Variants in MPDZ observed in about 807,000 individuals in gnomAD.
The protein encoded by MPDZ is multiple PDZ domain protein.
Under a neutral mutation model 239.1 loss-of-function variants are expected in MPDZ, and 234 were observed. That is an observed-to-expected ratio of 0.98 (90% CI 0.88 to 1.09). The LOEUF (loss-of-function observed/expected upper bound fraction) is 1.09, where lower values mean the gene tolerates loss of function less well. Ranked by LOEUF, MPDZ falls within the 50% of genes least tolerant of loss-of-function variation. The probability of loss-of-function intolerance (pLI) is 0.00; values close to 1 mark genes in which losing one functional copy is unlikely to be tolerated. For synonymous variants in MPDZ, 1,048 were observed against 881.3 expected, an observed-to-expected ratio of 1.19 and a Z score of -3.35; for missense variants, 3,175 against 2,510.0, an observed-to-expected ratio of 1.26 and a Z score of -5.66.
intron 17 of MPDZ, among the ~76,000 whole-genome samples, chr9:13,188,431 T>C (rs73406289): frequency 0.027 from 4,103 of 152,048 alleles, 104 homozygotes; most frequent in African/African-American, 0.074. Flanking sequence ...GGCAGGAGAA[T>C]CGCTTGAATC....
chr9:13,121,952 T>G lies in MPDZ; in HGVS notation c.5038-20A>C. ...ATTCACCTGTACAGAAATGGGACAC[T>G]GACTGTAAGGAACATGAGAAGTAAA... is the stretch of plus-strand genomic sequence containing the variant. On this transcript the variant is annotated intron_variant, in intron 37 of 46. Coordinates refer to ENST00000319217, the MANE Select transcript of MPDZ (RefSeq NM_001378778.1). The G allele has an allele frequency of 6.2e-7, 1 of 1,609,484 alleles. No individual in the cohort carries two copies. The highest frequency in any genetic ancestry group is 8.5e-7 in the Non-Finnish European group (1 of 1,176,710).
At position 13,111,998 on chromosome 9, in the gene MPDZ, C is replaced by A. The variant is rs183252821; in HGVS notation, c.5724+26G>T. 4 of 1,611,068 alleles carry A rather than the reference C, an allele frequency of 2.5e-6. No homozygotes were observed. In the African/African-American group the frequency reaches 4.0e-5, roughly 16 times the overall value. ...AACACTTCTGCACATTTTGCTAGGG[C>A]TTCTAGGGTTGATAGTACGACTCAC... On this transcript the variant is annotated intron_variant, in intron 43 of 46. Coordinates refer to ENST00000319217, the MANE Select transcript of MPDZ (RefSeq NM_001378778.1).
intron 23 of MPDZ, among the ~76,000 whole-genome samples, chr9:13,158,435 C>T (rs945431835): frequency 6.6e-6 from 1 of 152,054 alleles, no homozygotes; most frequent in Non-Finnish European, 1.5e-5. Context: ...AAAGAAAACC[C>T]ATTGAACAAG....
intron 11 of MPDZ, 32 bp from the exon 12 acceptor site, chr9:13,205,139 CT>C: frequency 1.7e-6 from 2 of 1,190,314 alleles, no homozygotes; most frequent in Non-Finnish European, 2.3e-6. Context: ...GTAATTTTAT[CT>C]TTAGTATAAT....
chr9:13,179,778 T>C (rs977437720), intron 19 of MPDZ, among the ~76,000 whole-genome samples: 1 of 152,162 alleles, frequency 6.6e-6, no homozygotes, highest in Non-Finnish European at 1.5e-5. Flanking sequence ...AAAAGTTCTA[T>C]TTCTTAAGCG....
rs1351979221 is a variant in MPDZ at position 13,110,022 on chromosome 9, G to C, written c.5872C>G (p.Gln1958Glu). 6.2e-7 allele frequency: 1 copy of C among 1,613,340 alleles called. No homozygotes were observed. Among genetic ancestry groups the C allele is most frequent in the African/African-American group, 1.3e-5 (1 of 75,030 alleles). ...GDVSVVTGHQ[Q>E]EPASSSLSFT... ...GAAAGACTGGAACTTGCAGGCTCCTGCTGATGACCTGTGACCACACTCACG... is the reference window on the plus strand; with the variant it reads ...GAAAGACTGGAACTTGCAGGCTCCTCCTGATGACCTGTGACCACACTCACG... Residue 1958 changes from glutamine to glutamate, a missense_variant, in exon 45 of 47, where the codon CAG (glutamine) becomes GAG (glutamate). Physicochemically the swap from Gln to Glu is conservative, Grantham distance 29 (BLOSUM62 2). Transcript: ENST00000319217.
intron 10 of MPDZ, among the ~76,000 whole-genome samples, chr9:13,211,442 A>C (rs1957607948): frequency 6.6e-6 from 1 of 152,164 alleles, no homozygotes; most frequent in South Asian, 2.1e-4. Context: ...GTCCGCTAAA[A>C]CATTCTCTTT....
At chr9:13,145,320 T>C (rs1200680454) in intron 26 of MPDZ, among the ~76,000 whole-genome samples, 3 of 151,984 alleles carry the variant, frequency 2.0e-5, no homozygotes, top group Non-Finnish European at 4.4e-5. Flanking sequence ...CCATTCTAAA[T>C]GGGGCCCCCC....
At chr9:13,125,514 T>C (rs998543013) in intron 34 of MPDZ, 124 bp from the exon 35 acceptor site, 2 of 843,514 alleles carry the variant, frequency 2.4e-6, no homozygotes, top group Admixed American at 3.0e-5. Context: ...CAGATGCAAA[T>C]TATTTCTTTG....
At chr9:13,165,562 C>T (rs775991888) in intron 22 of MPDZ, 1 of 720,766 alleles carries the variant, frequency 1.4e-6, no homozygotes, top group Non-Finnish European at 2.2e-6. Flanking sequence ...CCATCTACAC[C>T]TCCCCCAGAA....
At chr9:13,130,434 T>C (rs1284901580) in intron 32 of MPDZ, among the ~76,000 whole-genome samples, 3 of 84,286 alleles carry the variant, frequency 3.6e-5, no homozygotes, top group African/African-American at 4.8e-5. Flanking sequence ...AACCGTTCAT[T>C]CACTCTTCCT....
chr9:13,120,903 CT>C (rs1944245665), intron 38 of MPDZ, among the ~76,000 whole-genome samples: 2 of 152,142 alleles, frequency 1.3e-5, no homozygotes, highest in Admixed American at 6.5e-5. Flanking sequence ...TGCAGGGGCA[CT>C]TTTTACTGAA....
intron 43 of MPDZ, among the ~76,000 whole-genome samples, chr9:13,110,946 C>T (rs1942355846): frequency 6.6e-6 from 1 of 152,136 alleles, no homozygotes; most frequent in Non-Finnish European, 1.5e-5. Flanking sequence ...GGTTGAGTTC[C>T]ATATCCAGGG....
At position 13,222,291 on chromosome 9, in the gene MPDZ, C is replaced by T. The variant is rs1180814371; in HGVS notation, c.689G>A (p.Ser230Asn). The T allele has an allele frequency of 8.7e-6, 14 of 1,612,706 alleles. No homozygotes were observed. In the East Asian group the frequency reaches 2.9e-4, roughly 33 times the overall value. ...IARGSLPQLV[S>N]PIVSRSPSAA... ...AGATGGAGAACGGGAAACTATGGGG[C>T]TGACAAGCTGAGGCAATGAGCCTCT... Residue 230 changes from serine to asparagine, a missense_variant, in exon 6 of 47, where the codon AGC becomes AAC. Coordinates refer to ENST00000319217, the MANE Select transcript of MPDZ (RefSeq NM_001378778.1).
intron 38 of MPDZ, 53 bp downstream of exon 38, chr9:13,121,686 T>C: frequency 1.3e-6 from 2 of 1,581,210 alleles, no homozygotes; most frequent in South Asian, 2.2e-5. Context: ...TTTAAAATGA[T>C]TTAAGTCCCA....
chr9:13,145,772 G>A (rs1948349773), intron 26 of MPDZ, among the ~76,000 whole-genome samples: 1 of 151,936 alleles, frequency 6.6e-6, no homozygotes, highest in Non-Finnish European at 1.5e-5. Context: ...TTTTCCAGGT[G>A]TATGAGACAA....
chr9:13,231,297 G>A (rs900954862), intron 3 of MPDZ, among the ~76,000 whole-genome samples: 1 of 152,180 alleles, frequency 6.6e-6, no homozygotes, highest in Non-Finnish European at 1.5e-5. Context: ...CAGGTGCAGT[G>A]GCTCACACCT....
intron 12 of MPDZ, among the ~76,000 whole-genome samples, chr9:13,202,351 T>G (rs1198825624): frequency 6.6e-6 from 1 of 152,142 alleles, no homozygotes; most frequent in Non-Finnish European, 1.5e-5. Context: ...GCACCAAAAC[T>G]TAATCCCAAC....
rs912834233 is a variant in MPDZ at position 13,237,780 on chromosome 9, C to T, written c.183+9855G>A. Among the ~76,000 whole-genome samples the T allele has an allele frequency of 2.4e-4, 37 of 152,148 alleles. 1 individual carries two copies. The highest frequency in any genetic ancestry group is 8.8e-5 in the Non-Finnish European group (6 of 68,036). On this transcript the variant is annotated intron_variant, in intron 3 of 46. Transcript: ENST00000319217. The stretch of plus-strand genomic sequence containing the variant: ...TCTGTATCTGCCACCTTGAGCTTGA[C>T]ACCTTTCCATAACTTGAATTTGTTG...
Sources: allele counts gnomAD v4.1 joint callset (sites outside exome capture counted in the v4.1 genomes callset), GRCh38; gene constraint gnomAD v4.1.1; transcripts MANE v1.5; gene names NCBI Gene and HGNC (gene_info 2026-07-23, HGNC 2026-07-21).